NANS: variants seen among roughly 807,000 people sequenced by gnomAD.
NANS encodes N-acetylneuraminate synthase, also known as N-acetylneuraminate-9-phosphate synthase.
In NANS, 29 loss-of-function variants were observed where a neutral mutation model predicts 33.3. The ratio of observed to expected loss-of-function variants is 0.87; its 90% CI spans 0.65 to 1.19. NANS has a LOEUF of 1.19. Ranked by LOEUF, NANS falls within the 50% of genes most tolerant of loss-of-function variation. NANS has a pLI of 0.00. For synonymous variants in NANS, 163 were observed against 177.2 expected (o/e 0.92, Z 0.64); for missense variants, 394 against 461.1 (o/e 0.85, Z 1.33).
chr9:98,076,891 A>G (rs1169304906), intron 2 of NANS, 27 bp from the exon 3 acceptor site: 4 of 1,572,056 alleles, frequency 2.5e-6, no homozygotes, highest in Non-Finnish European at 2.6e-6. Context: ...CAATGGTGAA[A>G]AGGAGCTCCC....
At chr9:98,081,219 C>A in intron 5 of NANS, 137 bp downstream of exon 5, 3 of 1,146,712 alleles carry the variant, frequency 2.6e-6, no homozygotes, top group Non-Finnish European at 3.7e-6. Context: ...CCACCCGTGT[C>A]AGCTTCTTCA....
intron 2 of NANS, among the ~76,000 whole-genome samples, chr9:98,073,208 C>G (rs558965260): frequency 7.3e-4 from 110 of 151,372 alleles, no homozygotes; most frequent in Admixed American, 1.6e-3. Context: ...TGAGGCTGGC[C>G]CAGCCTATTT....
chr9:98,059,310 A>G (rs572747958), intron 1 of NANS, among the ~76,000 whole-genome samples: 2 of 152,356 alleles, frequency 1.3e-5, no homozygotes, highest in South Asian at 4.1e-4. Flanking sequence ...GGTGTGAGCC[A>G]CTGCGCCCGG....
chr9:98,062,210 T>TAAA (rs112548147), intron 2 of NANS, among the ~76,000 whole-genome samples: 1 of 133,738 alleles, frequency 7.5e-6, no homozygotes, highest in Non-Finnish European at 1.6e-5. Flanking sequence ...TGTCTCTTAA[T>TAAA]AAAAAAAAAA....
chr9:98,062,471 T>C (rs936374696), intron 2 of NANS, among the ~76,000 whole-genome samples: 7 of 152,106 alleles, frequency 4.6e-5, no homozygotes, highest in Non-Finnish European at 7.3e-5. Flanking sequence ...AAAATTTTAC[T>C]TGTAAAAATA....
chr9:98,072,030 C>T lies in NANS; in HGVS notation c.349-4888C>T, dbSNP rs557753421. Among the ~76,000 whole-genome samples, 8 of 152,322 alleles carry T rather than the reference C, an allele frequency of 5.3e-5. No homozygotes were observed. In the East Asian group the frequency reaches 1.4e-3, roughly 26 times the overall value. Reference sequence around the variant, plus strand: ...GCTTCCTCCTTGGTTTTCCTTCCCTCTGCTCCCCAGGCAGCCCATTTGCTT... The same window carrying T: ...GCTTCCTCCTTGGTTTTCCTTCCCTTTGCTCCCCAGGCAGCCCATTTGCTT... On this transcript the variant is annotated intron_variant, in intron 2 of 5. Coordinates refer to ENST00000210444, the MANE Select transcript of NANS (RefSeq NM_018946.4).
Position 98,056,756 on chromosome 9 carries a change from G to A in NANS, c.-53G>A. ...CACAGAACAGAGTAGAGGCGGCGGC[G>A]GCGGCGGCCGGACCCAGACTGGTAG... On this transcript the variant is annotated 5_prime_UTR_variant, in exon 1 of 6. Transcript: ENST00000210444. 1 of 1,587,064 alleles carries A rather than the reference G, an allele frequency of 6.3e-7. No homozygotes were observed.
At chr9:98,073,226 C>T (rs1829422553) in intron 2 of NANS, among the ~76,000 whole-genome samples, 1 of 146,488 alleles carries the variant, frequency 6.8e-6, no homozygotes, top group Admixed American at 6.8e-5. Flanking sequence ...TTTGTGGCTA[C>T]ACCCTTCCCC....
At chr9:98,058,750 A>G (rs1246868840) in intron 1 of NANS, among the ~76,000 whole-genome samples, 2 of 152,134 alleles carry the variant, frequency 1.3e-5, no homozygotes, top group Non-Finnish European at 2.9e-5. Flanking sequence ...ACATAGCGAG[A>G]CCCTGTCTCT....
At chr9:98,072,591 A>T (rs1358451482) in intron 2 of NANS, among the ~76,000 whole-genome samples, 1 of 152,026 alleles carries the variant, frequency 6.6e-6, no homozygotes, top group Non-Finnish European at 1.5e-5. Context: ...TTGTATTTTT[A>T]GTAGAGACAG....
In NANS at chr9:98,078,326, C is replaced by G. The variant is rs146299491; in HGVS notation, c.582C>G (p.Asp194Glu). ...GCGCATACCCGCTCCAGCCTGAGGACGTCAACCTGCGGGTCATCTCGGTGA... is the reference window on the plus strand; with the variant it reads ...GCGCATACCCGCTCCAGCCTGAGGAGGTCAACCTGCGGGTCATCTCGGTGA... ...CTSAYPLQPE[D>E]VNLRVISEYQ... Residue 194 changes from aspartate to glutamate, a missense_variant, in exon 4 of 6, where the codon GAC (aspartate) becomes GAG (glutamate). Physicochemically the swap from Asp to Glu is conservative, Grantham distance 45. Coordinates refer to ENST00000210444, the MANE Select transcript of NANS (RefSeq NM_018946.4). 6.2e-7 allele frequency: 1 copy of G among 1,613,948 alleles called. No homozygotes were observed. The highest frequency in any genetic ancestry group is 8.5e-7 in the Non-Finnish European group (1 of 1,179,972).
chr9:98,056,732 A>G lies in NANS; in HGVS notation c.-77A>G. On this transcript the variant is annotated 5_prime_UTR_variant, in exon 1 of 6. Coordinates refer to ENST00000210444, the MANE Select transcript of NANS (RefSeq NM_018946.4). ...GCGTGTGGGTCTCGCAGCGTTGCTC[A>G]CAGAACAGAGTAGAGGCGGCGGCGG... 3.9e-6 allele frequency: 6 copies of G among 1,543,690 alleles called. No individual in the cohort carries two copies. The highest frequency in any genetic ancestry group is 1.2e-5 in the South Asian group (1 of 84,948).
chr9:98,059,455 C>T (rs943740121), intron 1 of NANS, among the ~76,000 whole-genome samples: 7 of 152,154 alleles, frequency 4.6e-5, no homozygotes, highest in African/African-American at 1.4e-4. Flanking sequence ...CACTCTGTTG[C>T]TCAGGCTGGA....
In NANS at chr9:98,081,249, A is replaced by G. The variant is rs1564166688; in HGVS notation, c.870+167A>G. Reference sequence around the variant, plus strand: ...TCTTCAGGCTTCTCTTCAGTAATGCATGTCACTCTGGCCTGTAGCAGCAGC... The same window carrying G: ...TCTTCAGGCTTCTCTTCAGTAATGCGTGTCACTCTGGCCTGTAGCAGCAGC... On this transcript the variant is annotated intron_variant, in intron 5 of 5. Transcript: ENST00000210444. 5 of 857,208 alleles carry G rather than the reference A, an allele frequency of 5.8e-6. No homozygotes were observed. In the South Asian group the frequency reaches 7.1e-5, roughly 12 times the overall value. 53.1% of individuals were successfully genotyped at this position (857,208 alleles called of 1,614,324 possible).
chr9:98,079,505 A>C (rs577624828), intron 4 of NANS, among the ~76,000 whole-genome samples: 1 of 151,966 alleles, frequency 6.6e-6, no homozygotes, highest in East Asian at 1.9e-4. Context: ...AACTGACATT[A>C]CTCTCTTTTT....
chr9:98,075,814 G>A (rs1829566233), intron 2 of NANS: 1 of 152,128 alleles, frequency 6.6e-6, no homozygotes, highest in Non-Finnish European at 1.5e-5. Context: ...TACATTATGT[G>A]CAGTTTTTAG....
chr9:98,066,650 C>G (rs1183288648), intron 2 of NANS, among the ~76,000 whole-genome samples: 1 of 146,980 alleles, frequency 6.8e-6, no homozygotes, highest in African/African-American at 2.5e-5. Flanking sequence ...CAACCACTTA[C>G]CGATTTTTTT....
At chr9:98,077,085 G>A (rs989653041) in intron 3 of NANS, 68 bp downstream of exon 3, 65 of 1,163,490 alleles carry the variant, frequency 5.6e-5, no homozygotes, top group Middle Eastern at 5.5e-4. Context: ...TCCCCTCATG[G>A]TGGCCCACTT....
chr9:98,057,135 A>G (rs529985986), intron 1 of NANS, among the ~76,000 whole-genome samples, 195 bp downstream of exon 1: 14 of 152,348 alleles, frequency 9.2e-5, no homozygotes, highest in Non-Finnish European at 2.1e-4. Flanking sequence ...TTTCTGCATT[A>G]CAGCAGCTGC....
Sources: allele counts gnomAD v4.1 joint callset (sites outside exome capture counted in the v4.1 genomes callset), GRCh38; gene constraint gnomAD v4.1.1; transcripts MANE v1.5; gene names NCBI Gene and HGNC (gene_info 2026-07-23, HGNC 2026-07-21).